VPS13C: variants seen among roughly 807,000 people sequenced by gnomAD.
VPS13C encodes the protein vacuolar protein sorting 13 homolog C, also known as intermembrane lipid transfer protein VPS13C.
VPS13C carries 358 observed loss-of-function variants against 456.8 expected under a neutral mutation model. The ratio of observed to expected loss-of-function variants is 0.78; its 90% CI spans 0.72 to 0.86. VPS13C has a LOEUF of 0.86. Ranked by LOEUF, VPS13C falls within the 40% of genes least tolerant of loss-of-function variation. The pLI, the probability that VPS13C is intolerant of heterozygous loss-of-function variation, is 0.00. For missense variants in VPS13C, 4,818 were observed against 4,385.4 expected (o/e 1.10, Z -2.79); for synonymous variants, 1,578 against 1,486.7 (o/e 1.06, Z -1.41).
At chr15:61,977,919 T>C (rs992018206) in intron 23 of VPS13C, among the ~76,000 whole-genome samples, 7 of 152,022 alleles carry the variant, frequency 4.6e-5, no homozygotes, top group African/African-American at 1.7e-4. Context: ...TTAATAAATC[T>C]CAACACTCCT....
intron 9 of VPS13C, among the ~76,000 whole-genome samples, chr15:62,019,743 G>T (rs1267886990): frequency 1.3e-5 from 2 of 151,986 alleles, no homozygotes; most frequent in African/African-American, 4.8e-5. Context: ...GAGGTGTGGT[G>T]CTGAGAAGAA....
At chr15:61,957,736 A>G (rs1213608770) in intron 37 of VPS13C, among the ~76,000 whole-genome samples, 1 of 152,116 alleles carries the variant, frequency 6.6e-6, no homozygotes, top group Non-Finnish European at 1.5e-5. Context: ...ACATACTTGT[A>G]AAAGTATATG....
intron 83 of VPS13C, 104 bp downstream of exon 83, chr15:61,856,182 G>C: frequency 7.5e-7 from 1 of 1,338,630 alleles, no homozygotes; most frequent in Non-Finnish European, 1.0e-6. Flanking sequence ...TCAGCATATA[G>C]TAGTAATAAC....
intron 53 of VPS13C, among the ~76,000 whole-genome samples, chr15:61,924,376 T>G (rs1311673767): frequency 6.6e-6 from 1 of 152,230 alleles, no homozygotes; most frequent in African/African-American, 2.4e-5. Context: ...TGGCCATGCC[T>G]CTAGCACTGA....
chr15:62,043,836 T>C (rs542614993), intron 2 of VPS13C, among the ~76,000 whole-genome samples: 2 of 152,268 alleles, frequency 1.3e-5, no homozygotes, highest in Non-Finnish European at 2.9e-5. Flanking sequence ...AATATTACTA[T>C]AATAAGGCTA....
intron 13 of VPS13C, among the ~76,000 whole-genome samples, chr15:62,009,488 G>T (rs2046972517): frequency 6.6e-6 from 1 of 152,048 alleles, no homozygotes; most frequent in South Asian, 2.1e-4. Flanking sequence ...GAACTTAAAT[G>T]TATTTTAAGT....
At chr15:61,980,761 T>C (rs531744778) in intron 22 of VPS13C, among the ~76,000 whole-genome samples, 1 of 152,332 alleles carries the variant, frequency 6.6e-6, no homozygotes, top group East Asian at 1.9e-4. Context: ...ATGGCTGGTA[T>C]CATCACTTAC....
At chr15:61,982,863 A>G (rs1362546964) in intron 20 of VPS13C, among the ~76,000 whole-genome samples, 1 of 152,228 alleles carries the variant, frequency 6.6e-6, no homozygotes, top group Non-Finnish European at 1.5e-5. Context: ...TTAGCCTCCA[A>G]TTAGTCAGAA....
intron 66 of VPS13C, 64 bp from the exon 67 acceptor site, chr15:61,890,464 T>C (rs1596297034): frequency 7.2e-7 from 1 of 1,382,346 alleles, no homozygotes; most frequent in East Asian, 2.5e-5. Context: ...AAAATTGAAC[T>C]ATAATAACAG....
At chr15:61,967,960 T>C (rs1400680973) in intron 28 of VPS13C, among the ~76,000 whole-genome samples, 3 of 152,034 alleles carry the variant, frequency 2.0e-5, no homozygotes, top group Non-Finnish European at 4.4e-5. Flanking sequence ...CTTTTGTTAT[T>C]TGCAATTCTT....
At chr15:61,897,187 C>T (rs191818422) in intron 66 of VPS13C, among the ~76,000 whole-genome samples, 34 of 152,278 alleles carry the variant, frequency 2.2e-4, no homozygotes, top group Non-Finnish European at 4.1e-4. Context: ...CTCTAAAGAG[C>T]GGAGCACCTC....
At chr15:61,975,013 T>C (rs2045662678) in intron 24 of VPS13C, among the ~76,000 whole-genome samples, 2 of 152,226 alleles carry the variant, frequency 1.3e-5, no homozygotes, top group African/African-American at 4.8e-5. Flanking sequence ...TTGTGGCAGC[T>C]AGTCATAAAG....
At chr15:61,914,623 A>G (rs1167236335) in intron 61 of VPS13C, among the ~76,000 whole-genome samples, 1 of 151,174 alleles carries the variant, frequency 6.6e-6, no homozygotes, top group African/African-American at 2.4e-5. Context: ...GCAATGGTGC[A>G]GTGCAGAGCT....
rs562823961 is a variant in VPS13C at position 62,036,876 on chromosome 15, T to A, written c.188-1824A>T. Among the ~76,000 whole-genome samples, 5 of 151,744 alleles carry A rather than the reference T, an allele frequency of 3.3e-5. No individual in the cohort carries two copies. In the South Asian group the frequency reaches 1.0e-3, roughly 31 times the overall value. On this transcript the variant is annotated intron_variant, in intron 3 of 84. Transcript: ENST00000644861. The stretch of plus-strand genomic sequence containing the variant: ...TAACTCAAGGGCACCCACAAATATG[T>A]CTAGCTCTTAGAAAACCAAATCACA...
intron 74 of VPS13C, 98 bp downstream of exon 74, chr15:61,878,509 C>A: frequency 6.8e-7 from 1 of 1,476,500 alleles, no homozygotes; most frequent in Non-Finnish European, 9.0e-7. Context: ...TAAAGTTATC[C>A]TTTTCCTAAG....
At chr15:61,991,202 A>T (rs2046214434) in intron 17 of VPS13C, 108 bp from the exon 18 acceptor site, 5 of 821,676 alleles carry the variant, frequency 6.1e-6, no homozygotes, top group Non-Finnish European at 7.6e-6. Flanking sequence ...CACAAATGCT[A>T]AAGCAAAATT....
chr15:61,929,806 A>C, intron 50 of VPS13C, 58 bp from the exon 51 acceptor site: 3 of 1,471,766 alleles, frequency 2.0e-6, no homozygotes, highest in Admixed American at 2.1e-5. Context: ...AAAAAGATGA[A>C]GAATTTCCTA....
At chr15:61,962,640 T>G (rs1343906686) in intron 33 of VPS13C, 102 bp from the exon 34 acceptor site, 1 of 1,334,394 alleles carries the variant, frequency 7.5e-7, no homozygotes, top group African/African-American at 1.5e-5. Context: ...TAAAAAAATT[T>G]TTCTATTGAA....
At chr15:61,981,600 C>T in intron 21 of VPS13C, 122 bp from the exon 22 acceptor site, 1 of 979,490 alleles carries the variant, frequency 1.0e-6, no homozygotes, top group Non-Finnish European at 1.4e-6. Context: ...GTGGCTCACG[C>T]CTGTCATCCC....
Sources: allele counts gnomAD v4.1 joint callset (sites outside exome capture counted in the v4.1 genomes callset), GRCh38; gene constraint gnomAD v4.1.1; transcripts MANE v1.5; gene names NCBI Gene and HGNC (gene_info 2026-07-23, HGNC 2026-07-21).